Variants in MYBPC1 observed in about 807,000 individuals in gnomAD.
MYBPC1 encodes the protein myosin binding protein C1, also known as myosin-binding protein C, slow-type.
A neutral mutation model predicts 147.1 loss-of-function variants in MYBPC1; 52 were observed. The ratio of observed to expected loss-of-function variants is 0.35; its 90% CI spans 0.28 to 0.45. MYBPC1 has a LOEUF of 0.45. MYBPC1 is among the 20% of genes least tolerant of loss of function. The pLI, the probability that MYBPC1 is intolerant of heterozygous loss-of-function variation, is 1.00. For synonymous variants in MYBPC1, 477 were observed against 475.9 expected, an observed-to-expected ratio of 1.00 and a Z score of -0.03; for missense variants, 1,228 against 1,440.3, an observed-to-expected ratio of 0.85 and a Z score of 2.39.
At chr12:101,676,436 C>G (rs1171138430) in intron 26 of MYBPC1, among the ~76,000 whole-genome samples, 1 of 151,890 alleles carries the variant, frequency 6.6e-6, no homozygotes, top group African/African-American at 2.4e-5. Flanking sequence ...AAGACTCCAT[C>G]TCAAAAAGAA....
intron 22 of MYBPC1, chr12:101,664,731 C>T (rs1266248446): frequency 1.3e-5 from 2 of 152,184 alleles, no homozygotes; most frequent in Non-Finnish European, 2.9e-5. Flanking sequence ...TGCACCTACT[C>T]CACACACAGA....
downstream of MYBPC1, among the ~76,000 whole-genome samples, chr12:101,687,824 A>T (rs1194460744): frequency 6.6e-6 from 1 of 152,210 alleles, no homozygotes; most frequent in East Asian, 1.9e-4. Flanking sequence ...ATAGCCTAAA[A>T]GAGACTGTAA....
the MYBPC1 span, among the ~76,000 whole-genome samples, chr12:101,692,457 C>CA: frequency 1.3e-4 from 20 of 152,304 alleles, no homozygotes; most frequent in African/African-American, 4.8e-4. Context: ...AATCAGACTA[C>CA]ACGGGCTTGA....
At chr12:101,612,225 T>C (rs770835992) in intron 1 of MYBPC1, among the ~76,000 whole-genome samples, 1 of 152,204 alleles carries the variant, frequency 6.6e-6, no homozygotes, top group African/African-American at 2.4e-5. Context: ...CTATGCATCT[T>C]ACATAGAATT....
At chr12:101,665,929 T>G (rs1194793919) in intron 22 of MYBPC1, among the ~76,000 whole-genome samples, 3 of 152,224 alleles carry the variant, frequency 2.0e-5, no homozygotes, top group Middle Eastern at 3.2e-3. Flanking sequence ...TGCCAGGATA[T>G]TCTAGTTGCC....
At chr12:101,629,764 T>G (rs1340064091) in intron 6 of MYBPC1, among the ~76,000 whole-genome samples, 1 of 151,620 alleles carries the variant, frequency 6.6e-6, no homozygotes, top group Non-Finnish European at 1.5e-5. Context: ...TCTCAGCTAC[T>G]CAGGAGGCAG....
chr12:101,627,831 C>G (rs1363449922), intron 5 of MYBPC1, 27 bp downstream of exon 5: 1 of 1,605,070 alleles, frequency 6.2e-7, no homozygotes, highest in South Asian at 1.1e-5. Context: ...AGAAGGCATC[C>G]TGACCTCATC....
At chr12:101,683,082 C>T (rs1951119810) in intron 30 of MYBPC1, among the ~76,000 whole-genome samples, 1 of 152,158 alleles carries the variant, frequency 6.6e-6, no homozygotes, top group African/African-American at 2.4e-5. Flanking sequence ...ACATTTCAAA[C>T]ATTTTTTTTG....
intron 3 of MYBPC1, among the ~76,000 whole-genome samples, chr12:101,623,876 A>C (rs825065): frequency 0.48 from 73,239 of 152,010 alleles, 18,222 homozygotes; most frequent in East Asian, 0.67. Context: ...TCTTCTGAAT[A>C]ACGGAATTCT....
In MYBPC1 at chr12:101,627,750, A is replaced by T. The variant is rs1279077808; in HGVS notation, c.143-19A>T. On this transcript the variant is annotated intron_variant, in intron 4 of 31. Coordinates refer to ENST00000361466, the MANE Select transcript of MYBPC1 (RefSeq NM_002465.4). ...CCTTTCCACCCCTCTGCATCACCCAAATCACACTTTCCTTTCAGGTTTGGG... is the reference window on the plus strand; with the variant it reads ...CCTTTCCACCCCTCTGCATCACCCATATCACACTTTCCTTTCAGGTTTGGG... The T allele has an allele frequency of 6.2e-7, 1 of 1,613,358 alleles. No homozygotes were observed. The highest frequency in any genetic ancestry group is 8.5e-7 in the Non-Finnish European group (1 of 1,179,508).
At chr12:101,678,683 GAGCT>G (rs1435420239) in intron 28 of MYBPC1, among the ~76,000 whole-genome samples, 3 of 152,288 alleles carry the variant, frequency 2.0e-5, no homozygotes, top group Admixed American at 6.5e-5. Flanking sequence ...GCTAAGAAGG[GAGCT>G]ATCATATCCA....
In MYBPC1 at chr12:101,675,640, C is replaced by T. The variant is rs1405710; in HGVS notation, c.2949+209C>T. Among the ~76,000 whole-genome samples, 6,176 of 152,286 alleles carry T rather than the reference C, an allele frequency of 0.041. 200 individuals carry two copies. The highest frequency in any genetic ancestry group is 0.15 in the South Asian group (700 of 4,816). ...TAAGACCACATGTATAAGGACCACA[C>T]GTGACCACAATCACTTGAGCTCTTT... On this transcript the variant is annotated intron_variant, in intron 26 of 31. Coordinates refer to ENST00000361466, the MANE Select transcript of MYBPC1 (RefSeq NM_002465.4).
chr12:101,623,396 A>G (rs1420624082), intron 3 of MYBPC1, among the ~76,000 whole-genome samples: 1 of 152,192 alleles, frequency 6.6e-6, no homozygotes, highest in Admixed American at 6.5e-5. Context: ...CATGTAACAA[A>G]CCATCACATG....
At chr12:101,679,860 C>T (rs1950823692) in intron 28 of MYBPC1, among the ~76,000 whole-genome samples, 1 of 152,118 alleles carries the variant, frequency 6.6e-6, no homozygotes, top group Non-Finnish European at 1.5e-5. Context: ...ACAACATGGA[C>T]CTATGGATGA....
At chr12:101,649,221 A>G (rs947198271) in intron 14 of MYBPC1, 39 bp from the exon 15 acceptor site, 1 of 1,580,918 alleles carries the variant, frequency 6.3e-7, no homozygotes, top group Non-Finnish European at 8.7e-7. Context: ...TTCCTGAAGG[A>G]TCTTTTACAA....
Position 101,629,496 on chromosome 12 carries a change from C to A in MYBPC1, c.241C>A (p.Leu81Met). 6.2e-7 allele frequency: 1 copy of A among 1,614,054 alleles called. No individual in the cohort carries two copies. The highest frequency in any genetic ancestry group is 8.5e-7 in the Non-Finnish European group (1 of 1,179,956). ...EQAKQNANSQLSILFIEKPQG... is the reference protein window; with the variant it reads ...EQAKQNANSQMSILFIEKPQG... ...AGCCAAGCAGAATGCCAACTCCCAG[C>A]TGTCCATCTTGTTCATTGAAAAACC... The change falls in exon 6 of 32, where the codon CTG becomes ATG. Residue 81 changes from leucine (L) to methionine (M), a missense_variant. Leu to Met is a conservative substitution (Grantham distance 15). This residue lies in a region of MYBPC1 where 151 missense variants were observed against 126.1 expected (regional missense o/e 1.20). Transcript: ENST00000361466.
At chr12:101,642,209 T>C (rs890140346) in intron 10 of MYBPC1, among the ~76,000 whole-genome samples, 1 of 152,232 alleles carries the variant, frequency 6.6e-6, no homozygotes, top group Non-Finnish European at 1.5e-5. Flanking sequence ...AAGGTGTTAC[T>C]ATAAGGGCAC....
At chr12:101,628,986 C>G (rs1400967827) in intron 5 of MYBPC1, 1 of 234,518 alleles carries the variant, frequency 4.3e-6, no homozygotes, top group Non-Finnish European at 8.5e-6. Context: ...CCTTGTCAGA[C>G]AGTTTACCCT....
chr12:101,650,850 T>TCG, intron 15 of MYBPC1: 5 of 294,788 alleles, frequency 1.7e-5, no homozygotes, highest in Non-Finnish European at 2.6e-5. Context: ...GCTTGTGAAC[T>TCG]GTTGTGAAGC....
Sources: gnomAD v4.1 joint callset for allele counts (sites outside exome capture counted in the v4.1 genomes callset) on GRCh38, gnomAD v4.1.1 for gene constraint, gnomAD v4.1.1 regional missense constraint, MANE v1.5 for transcripts, NCBI Gene and HGNC (gene_info 2026-07-23, HGNC 2026-07-21) for gene names.